Variants in MTRFR observed in about 807,000 individuals in gnomAD.
MTRFR encodes probable peptide chain release factor C12orf65, mitochondrial.
In MTRFR, 10 loss-of-function variants were observed where a neutral mutation model predicts 11.9. The ratio of observed to expected loss-of-function variants is 0.84; its 90% confidence interval spans 0.52 to 1.42. The LOEUF is 1.42. Among genes scored for constraint, MTRFR ranks in the 40% most tolerant of loss-of-function variants. The pLI, the probability that MTRFR is intolerant of heterozygous loss-of-function variation, is 0.00. For synonymous variants in MTRFR, 77 were observed against 79.1 expected (o/e 0.97, Z 0.14); for missense variants, 196 against 197.9 (o/e 0.99, Z 0.06).
intron 2 of MTRFR, chr12:123,254,305 C>G (rs796705222): frequency 7.4e-6 from 2 of 272,078 alleles, no homozygotes; most frequent in African/African-American, 2.2e-5. Context: ...GGCAGGCGCC[C>G]GGGCAGCATG....
Position 123,256,991 on chromosome 12 carries a change from T to A in MTRFR, c.461T>A (p.Leu154Gln). 6.2e-7 allele frequency: 1 copy of A among 1,611,742 alleles called. No individual in the cohort carries two copies. The highest frequency in any genetic ancestry group is 8.5e-7 in the Non-Finnish European group (1 of 1,179,618). Residue 154 changes from leucine (L) to glutamine (Q), a missense_variant, in exon 3 of 3, where the codon CTA becomes CAA. Coordinates refer to ENST00000253233, the MANE Select transcript of MTRFR (RefSeq NM_152269.5). ...RAKETLEKKK[L>Q]LKELWESSKK... ...AAGGAAACCCTGGAAAAAAAGAAGC[T>A]ACTTAAAGAACTGTGGGAGTCAAGT...
At chr12:123,242,276 C>A (rs1164231039) in intron 1 of MTRFR, among the ~76,000 whole-genome samples, 1 of 152,154 alleles carries the variant, frequency 6.6e-6, no homozygotes, top group Non-Finnish European at 1.5e-5. Context: ...GGTAGAGCGC[C>A]AGCCCTACGC....
intron 1 of MTRFR, among the ~76,000 whole-genome samples, chr12:123,239,536 G>T (rs1419449797): frequency 6.6e-6 from 1 of 152,016 alleles, no homozygotes; most frequent in Non-Finnish European, 1.5e-5. Flanking sequence ...CCAAGTAGCT[G>T]GGACTACAGC....
At chr12:123,236,106 A>T (rs2047846719) in intron 1 of MTRFR, among the ~76,000 whole-genome samples, 1 of 152,116 alleles carries the variant, frequency 6.6e-6, no homozygotes, top group Non-Finnish European at 1.5e-5. Flanking sequence ...AAAGTTAAGG[A>T]AAAGGAGCTA....
chr12:123,256,148 T>C (rs777945842), intron 2 of MTRFR, among the ~76,000 whole-genome samples: 4 of 152,212 alleles, frequency 2.6e-5, no homozygotes, highest in Non-Finnish European at 5.9e-5. Context: ...GAGTTATGGC[T>C]GACTAATAAT....
chr12:123,252,406 T>G (rs1172276244), intron 1 of MTRFR: 7 of 148,608 alleles, frequency 4.7e-5, no homozygotes, highest in African/African-American at 1.7e-4. Flanking sequence ...CAGTCCAGCC[T>G]GGGCGACAGA....
At chr12:123,240,673 A>T (rs1173064158) in intron 1 of MTRFR, 3 of 149,304 alleles carry the variant, frequency 2.0e-5, no homozygotes, top group Non-Finnish European at 3.0e-5. Flanking sequence ...AGGTCCAGAG[A>T]TTGACATCTC....
At chr12:123,242,965 T>C (rs2047965588) in intron 1 of MTRFR, among the ~76,000 whole-genome samples, 1 of 152,232 alleles carries the variant, frequency 6.6e-6, no homozygotes, top group Non-Finnish European at 1.5e-5. Context: ...AATTTTGTTT[T>C]GTGGATTGAA....
intron 1 of MTRFR, among the ~76,000 whole-genome samples, chr12:123,238,527 T>A (rs2047885439): frequency 6.6e-6 from 1 of 152,128 alleles, no homozygotes; most frequent in Non-Finnish European, 1.5e-5. Context: ...TCCCAGCACT[T>A]TTTGAGACCG....
intron 1 of MTRFR, chr12:123,248,938 A>G (rs1034486553): frequency 1.3e-5 from 2 of 148,984 alleles, no homozygotes; most frequent in African/African-American, 4.9e-5. Context: ...GCTAGACACA[A>G]AAGTTCTCCA....
In MTRFR at chr12:123,238,666, C is replaced by G. The variant is rs577941794; in HGVS notation, c.-29+5135C>G. ...GTGTCTGTCCTAGCAATCAGAAGAA[C>G]TTGCTGATTCCTGTGTTCTGGAACA... is the stretch of plus-strand genomic sequence containing the variant. On this transcript the variant is annotated intron_variant, in intron 1 of 2. Transcript: ENST00000253233. Among the ~76,000 whole-genome samples, 17 of 152,252 alleles carry G rather than the reference C, an allele frequency of 1.1e-4. No homozygotes were observed. In the South Asian group the frequency reaches 2.7e-3, roughly 24 times the overall value.
In MTRFR at chr12:123,257,526, C is replaced by CA. The variant is rs539929749; in HGVS notation, c.*505dup. Reference sequence around the variant, plus strand: ...TGGGTGACAGAGCGAGACCCCATCTCAAAAAAAAAATAAAACTAGTTCAAG... The same window carrying CA: ...TGGGTGACAGAGCGAGACCCCATCTCAAAAAAAAAAATAAAACTAGTTCAAG... On this transcript the variant is annotated 3_prime_UTR_variant, in exon 3 of 3. Coordinates refer to ENST00000253233, the MANE Select transcript of MTRFR (RefSeq NM_152269.5). 129 of 152,636 alleles carry CA rather than the reference C, an allele frequency of 8.5e-4. No homozygotes were observed. Among genetic ancestry groups the CA allele is most frequent in the South Asian group, 3.8e-3 (20 of 5,316 alleles). 9.5% of individuals were successfully genotyped at this position (152,636 alleles called of 1,614,324 possible).
intron 1 of MTRFR, among the ~76,000 whole-genome samples, chr12:123,253,073 T>TC: frequency 2.9e-5 from 1 of 33,986 alleles, no homozygotes; most frequent in Non-Finnish European, 6.5e-5. Context: ...CCTTTGAATT[T>TC]TTTTTTTTTT....
chr12:123,247,527 G>A (rs571820873), intron 1 of MTRFR, among the ~76,000 whole-genome samples: 16 of 152,168 alleles, frequency 1.1e-4, no homozygotes, highest in African/African-American at 3.4e-4. Flanking sequence ...TTAAGTTTAC[G>A]TGAGTCTTTA....
At chr12:123,235,861 C>G (rs1247576091) in intron 1 of MTRFR, among the ~76,000 whole-genome samples, 2 of 151,604 alleles carry the variant, frequency 1.3e-5, no homozygotes, top group Non-Finnish European at 2.9e-5. Context: ...GTCAGGAGTT[C>G]GAGACCAGCC....
chr12:123,236,857 G>A (rs1004356693), intron 1 of MTRFR, among the ~76,000 whole-genome samples: 3 of 152,064 alleles, frequency 2.0e-5, no homozygotes, highest in Non-Finnish European at 4.4e-5. Flanking sequence ...GCCGAGGCGG[G>A]CGGATCGCCT....
upstream of MTRFR, chr12:123,233,409 T>G (rs1468503198): frequency 6.6e-6 from 1 of 152,200 alleles, no homozygotes; most frequent in Non-Finnish European, 1.5e-5. Context: ...CTCTGGTAGA[T>G]AAGAGAAACC....
Position 123,253,628 on chromosome 12 carries a change from C to G in MTRFR, c.-28-19C>G. 1 of 1,612,688 alleles carries G rather than the reference C, an allele frequency of 6.2e-7. No individual in the cohort carries two copies. The highest frequency in any genetic ancestry group is 8.5e-7 in the Non-Finnish European group (1 of 1,179,182). On this transcript the variant is annotated intron_variant, in intron 1 of 2. Transcript: ENST00000253233. ...GCAGATGCCTCTTACTGAAAGCTCT[C>G]CTTATTCATCTAACCCAGGTCCTCA...
rs144150548 is a variant in MTRFR at position 123,253,745 on chromosome 12, G to A, written c.71G>A (p.Arg24Gln). Residue 24 changes from arginine to glutamine, a missense_variant, in exon 2 of 3, where the codon CGG (arginine) becomes CAG (glutamine). Arg to Gln is a conservative substitution (Grantham distance 43). Coordinates refer to ENST00000253233, the MANE Select transcript of MTRFR (RefSeq NM_152269.5). ...TRICPAPWGL[R>Q]LWEKLTLLSP... ...ATATGCCCGGCGCCATGGGGACTCC[G>A]GCTTTGGGAGAAGCTGACGTTGTTA... is the stretch of plus-strand genomic sequence containing the variant. 9.6e-5 allele frequency: 155 copies of A among 1,614,130 alleles called. No individual in the cohort carries two copies. The African/African-American group carries it at 1.5e-3, about 16-fold the overall frequency.
Sources: gnomAD v4.1 joint callset for allele counts (sites outside exome capture counted in the v4.1 genomes callset) on GRCh38, gnomAD v4.1.1 for gene constraint, MANE v1.5 for transcripts, NCBI Gene and HGNC (gene_info 2026-07-23, HGNC 2026-07-21) for gene names.